The following TYK2 variants were observed in gnomAD, a reference collection of about 807,000 sequenced individuals.
TYK2 encodes non-receptor tyrosine-protein kinase TYK2.
TYK2 carries 65 observed loss-of-function variants against 130.9 expected under a neutral mutation model. The observed-to-expected ratio is 0.50, with a 90% CI of 0.41 to 0.61. The LOEUF (loss-of-function observed/expected upper bound fraction) is 0.61, where lower values mean the gene tolerates loss of function less well. Among genes scored for constraint, TYK2 ranks in the 20% least tolerant of loss-of-function variants. TYK2 has a pLI of 0.00. For synonymous variants in TYK2, 647 were observed against 658.9 expected (o/e 0.98, Z 0.28); for missense variants, 1,378 against 1,610.7 (o/e 0.86, Z 2.47).
At chr19:10,357,642 A>G in intron 17 of TYK2, 122 bp downstream of exon 17, 2 of 1,379,084 alleles carry the variant, frequency 1.5e-6, no homozygotes, top group Non-Finnish European at 2.0e-6. Flanking sequence ...ACCTGCTGGT[A>G]GCCCAGAGAG....
chr19:10,378,412 C>T lies in TYK2; in HGVS notation c.-6G>A, dbSNP rs375053490. The T allele has an allele frequency of 5.6e-6, 9 of 1,607,914 alleles. No individual in the cohort carries two copies. The highest frequency in any genetic ancestry group is 2.7e-5 in the African/African-American group (2 of 74,854). ...CCCCAGTGGCGCAGAGGCATGCTCCCGGCAGGTGGCTCAGCTGGAAAGGGG... is the reference window on the plus strand; with the variant it reads ...CCCCAGTGGCGCAGAGGCATGCTCCTGGCAGGTGGCTCAGCTGGAAAGGGG... On this transcript the variant is annotated 5_prime_UTR_variant, in exon 3 of 25. Transcript: ENST00000525621.
In TYK2 at chr19:10,362,677, G is replaced by A. The variant is rs376912822; in HGVS notation, c.1368-20C>T. On this transcript the variant is annotated intron_variant, in intron 9 of 24. Transcript: ENST00000525621. ...GGCTCCCTGGAAGGTGGTCCAGGGG[G>A]ACTATCAGGCCACCTGGGGCCACTC... 5 of 1,549,242 alleles carry A rather than the reference G, an allele frequency of 3.2e-6. No homozygotes were observed. In the African/African-American group the frequency reaches 4.1e-5, roughly 13 times the overall value.
intron 5 of TYK2, among the ~76,000 whole-genome samples, 153 bp from the exon 6 acceptor site, chr19:10,366,733 TAAAAAAA>T (rs750662938): frequency 9.8e-6 from 1 of 101,918 alleles, no homozygotes; most frequent in Non-Finnish European, 2.1e-5. Context: ...GCTGATGAGC[TAAAAAAA>T]AAAAAAAAAA....
intron 3 of TYK2, among the ~76,000 whole-genome samples, chr19:10,372,183 C>T (rs12720234): frequency 0.056 from 8,399 of 150,830 alleles, 282 homozygotes; most frequent in African/African-American, 0.064. Flanking sequence ...TTAGTAGAGA[C>T]GGGGTTTCAC....
intron 23 of TYK2, among the ~76,000 whole-genome samples, chr19:10,351,881 A>C (rs2040821977): frequency 6.6e-6 from 1 of 151,882 alleles, no homozygotes; most frequent in South Asian, 2.1e-4. Flanking sequence ...CTGGGATTAC[A>C]GGCACCTGCC....
chr19:10,374,245 G>A (rs1033657217), intron 3 of TYK2, among the ~76,000 whole-genome samples: 21 of 151,678 alleles, frequency 1.4e-4, no homozygotes, highest in African/African-American at 4.4e-4. Flanking sequence ...CAGCCTGGGC[G>A]ACAGAGCGAG....
Position 10,361,601 on chromosome 19 carries a change from G to A in TYK2, c.1960-3C>T, listed in dbSNP as rs2041405734. 6.5e-7 allele frequency: 1 copy of A among 1,549,034 alleles called. No homozygotes were observed. The highest frequency in any genetic ancestry group is 8.7e-7 in the Non-Finnish European group (1 of 1,147,828). On this transcript the variant is annotated splice_polypyrimidine_tract_variant and splice_region_variant and intron_variant, in intron 13 of 24. Coordinates refer to ENST00000525621, the MANE Select transcript of TYK2 (RefSeq NM_003331.5). The surrounding 1 kb of genome is among the most constrained non-coding windows in gnomAD (Gnocchi z 4.0). ...AGGCTGGCTGTCTCGTAGAAGGCCTGTGGGGACCGGGCAGGTCAGGTGGCT... is the reference window on the plus strand; with the variant it reads ...AGGCTGGCTGTCTCGTAGAAGGCCTATGGGGACCGGGCAGGTCAGGTGGCT...
rs769066197 is a variant in TYK2 at position 10,359,234 on chromosome 19, C to T, written c.2116G>A (p.Val706Met). The T allele has an allele frequency of 2.5e-6, 4 of 1,610,594 alleles. No individual in the cohort carries two copies. The Admixed American group carries it at 6.7e-5, about 27-fold the overall frequency. ...ACCACCATCTTCCAAGCCATGGGCA[C>T]ATGGCCCCGCTCCCTCCGCAGCCAC... Reference protein sequence around the residue: ...DVWLRRERGHVPMAWKMVVAQ... With the variant: ...DVWLRRERGHMPMAWKMVVAQ... Residue 706 changes from valine (V) to methionine (M), a missense_variant, in exon 15 of 25, where the codon GTG (valine) becomes ATG (methionine). Transcript: ENST00000525621.
At chr19:10,376,183 T>C (rs1462153849) in intron 3 of TYK2, among the ~76,000 whole-genome samples, 1 of 145,952 alleles carries the variant, frequency 6.9e-6, no homozygotes, top group East Asian at 2.1e-4. Flanking sequence ...TGGCTACATT[T>C]TGTATTTTTA....
intron 2 of TYK2, among the ~76,000 whole-genome samples, chr19:10,379,287 C>T (rs1216842987): frequency 6.6e-6 from 1 of 151,852 alleles, no homozygotes; most frequent in Non-Finnish European, 1.5e-5. Context: ...AGTGATCGCA[C>T]CACTGCATTC....
chr19:10,378,651 A>C lies in TYK2; in HGVS notation c.-20-225T>G, dbSNP rs565745483. 234 of 558,178 alleles carry C rather than the reference A, an allele frequency of 4.2e-4. No individual in the cohort carries two copies. In the African/African-American group the frequency reaches 4.2e-3, roughly 10 times the overall value. 34.6% of individuals were successfully genotyped at this position (558,178 alleles called of 1,614,324 possible). On this transcript the variant is annotated intron_variant, in intron 2 of 24. Transcript: ENST00000525621. The stretch of plus-strand genomic sequence containing the variant: ...AGATCTCTCATCAACAATAACACTG[A>C]ACCCTCCTCTCTTTCCACAAATTGA...
Position 10,361,903 on chromosome 19 carries a change from C to T in TYK2, c.1826G>A (p.Arg609Gln), listed in dbSNP as rs748626480. The change falls in exon 13 of 25, where the codon CGA (arginine) becomes CAA (glutamine). Residue 609 changes from arginine (R) to glutamine (Q), a missense_variant. By Grantham distance (43) the Arg-to-Gln change is conservative. Coordinates refer to ENST00000525621, the MANE Select transcript of TYK2 (RefSeq NM_003331.5). This position sits in a 1 kb window ranked among gnomAD's most constrained non-coding sequence, Gnocchi z 4.0. ...CTCAGGGTCCCCGCTGCCCTCCACT[C>T]GCAGGCGGCCCTCATACACGTTGGT... ...TRTNVYEGRL[R>Q]VEGSGDPEEG... is the part of the protein sequence containing the mutation. 1.7e-5 allele frequency: 28 copies of T among 1,613,962 alleles called. No homozygotes were observed. Among genetic ancestry groups the T allele is most frequent in the Admixed American group, 6.7e-5 (4 of 59,998 alleles).
At chr19:10,373,989 G>A (rs1006439977) in intron 3 of TYK2, among the ~76,000 whole-genome samples, 3 of 151,998 alleles carry the variant, frequency 2.0e-5, no homozygotes, top group Non-Finnish European at 4.4e-5. Context: ...TCATGGGGGC[G>A]GGCACAGTGG....
chr19:10,377,590 GGA>G (rs1568346541), intron 3 of TYK2, among the ~76,000 whole-genome samples: 112 of 98,484 alleles, frequency 1.1e-3, no homozygotes, highest in East Asian at 2.2e-3. Flanking sequence ...ATGGATGGAT[GGA>G]TGAATGGATG....
At position 10,356,704 on chromosome 19, in the gene TYK2, G is replaced by A; in HGVS notation, c.2481C>T (p.Tyr827=). The A allele has an allele frequency of 1.2e-6, 2 of 1,609,070 alleles. No individual in the cohort carries two copies. Among genetic ancestry groups the A allele is most frequent in the Non-Finnish European group, 1.7e-6 (2 of 1,178,016 alleles). ...SRSPSEKEHF[Y]QRQHRLPEPS... is the part of the protein sequence containing the mutation. ...GCTCGGGCAGCCGGTGCTGCCTCTGGTAGAAATGCTCCTTCTGTTGGGAAA... is the reference window on the plus strand; with the variant it reads ...GCTCGGGCAGCCGGTGCTGCCTCTGATAGAAATGCTCCTTCTGTTGGGAAA... The change falls in exon 18 of 25, where the codon TAC becomes TAT. Residue 827 remains tyrosine, a synonymous_variant. Coordinates refer to ENST00000525621, the MANE Select transcript of TYK2 (RefSeq NM_003331.5).
At chr19:10,375,044 T>G (rs1333003039) in intron 3 of TYK2, among the ~76,000 whole-genome samples, 3 of 152,122 alleles carry the variant, frequency 2.0e-5, no homozygotes, top group African/African-American at 7.2e-5. Context: ...GACATGTGCC[T>G]GTAGCCCCAG....
Position 10,370,487 on chromosome 19 carries a change from C to G in TYK2, c.194-2069G>C, listed in dbSNP as rs1424287861. 2.0e-5 allele frequency among the ~76,000 whole-genome samples: 3 copies of G among 150,068 alleles called. No homozygotes were observed. The South Asian group carries it at 6.4e-4, about 32-fold the overall frequency. Reference sequence around the variant, plus strand: ...CGAGATTGTGCCACTGCACTCCAGCCTGGCGACACAGCAAGACTGTCTCAA... The same window carrying G: ...CGAGATTGTGCCACTGCACTCCAGCGTGGCGACACAGCAAGACTGTCTCAA... On this transcript the variant is annotated intron_variant, in intron 3 of 24. Coordinates refer to ENST00000525621, the MANE Select transcript of TYK2 (RefSeq NM_003331.5).
At position 10,378,412 on chromosome 19, in the gene TYK2, C is replaced by G; in HGVS notation, c.-6G>C. On this transcript the variant is annotated 5_prime_UTR_variant, in exon 3 of 25. Coordinates refer to ENST00000525621, the MANE Select transcript of TYK2 (RefSeq NM_003331.5). Reference sequence around the variant, plus strand: ...CCCCAGTGGCGCAGAGGCATGCTCCCGGCAGGTGGCTCAGCTGGAAAGGGG... The same window carrying G: ...CCCCAGTGGCGCAGAGGCATGCTCCGGGCAGGTGGCTCAGCTGGAAAGGGG... The G allele has an allele frequency of 1.2e-6, 2 of 1,608,034 alleles. No individual in the cohort carries two copies. The highest frequency in any genetic ancestry group is 1.7e-6 in the Non-Finnish European group (2 of 1,179,752).
At chr19:10,377,564 ATGGGTGGG>A (rs1568346501) in intron 3 of TYK2, among the ~76,000 whole-genome samples, 1 of 52,756 alleles carries the variant, frequency 1.9e-5, no homozygotes, top group African/African-American at 7.4e-5. Flanking sequence ...GGGTGGATGG[ATGGGTGGG>A]TGGGTGGATG....
Sources: allele counts gnomAD v4.1 joint callset (sites outside exome capture counted in the v4.1 genomes callset), GRCh38; gene constraint gnomAD v4.1.1; non-coding constraint Gnocchi (gnomAD v3.1); transcripts MANE v1.5; gene names NCBI Gene and HGNC (gene_info 2026-07-23, HGNC 2026-07-21).